The following MAST4 variants were observed in gnomAD, a reference collection of about 807,000 sequenced individuals.
MAST4 encodes the protein microtubule-associated serine/threonine-protein kinase 4.
MAST4 carries 89 observed loss-of-function variants against 162.7 expected under a neutral mutation model. The observed-to-expected ratio is 0.55, with a 90% CI of 0.46 to 0.65. The LOEUF is 0.65. Ranked by LOEUF, MAST4 falls within the 30% of genes least tolerant of loss-of-function variation. The pLI, the probability that MAST4 is intolerant of heterozygous loss-of-function variation, is 0.00. For synonymous variants in MAST4, 1,479 were observed against 1,361.1 expected (o/e 1.09, Z -1.91); for missense variants, 3,153 against 3,374.0 (o/e 0.93, Z 1.62).
At chr5:66,977,105 A>G (rs1415798724) in intron 4 of MAST4, among the ~76,000 whole-genome samples, 1 of 152,082 alleles carries the variant, frequency 6.6e-6, no homozygotes, top group Non-Finnish European at 1.5e-5. Flanking sequence ...TTCTATTATC[A>G]GACTTTCTTT....
chr5:67,165,270 G>A lies in MAST4; in HGVS notation c.6091G>A (p.Ala2031Thr), dbSNP rs747166009. Reference sequence around the variant, plus strand: ...CCCAGATTTCTATACACAGACCCAGGCCATGGAGAAAGCATGGGCGCCGGG... The same window carrying A: ...CCCAGATTTCTATACACAGACCCAGACCATGGAGAAAGCATGGGCGCCGGG... ...THPDFYTQTQ[A>T]MEKAWAPGGK... Residue 2031 changes from alanine to threonine, a missense_variant, in exon 29 of 29, where the codon GCC becomes ACC. Ala to Thr is a moderately conservative substitution (Grantham distance 58). This residue lies in a region of MAST4 where 1,644 missense variants were observed against 1,495.0 expected (regional missense o/e 1.10). Transcript: ENST00000403625. 1.2e-6 allele frequency: 2 copies of A among 1,613,348 alleles called. No individual in the cohort carries two copies. Among genetic ancestry groups the A allele is most frequent in the Non-Finnish European group, 1.7e-6 (2 of 1,179,848 alleles).
intron 5 of MAST4, among the ~76,000 whole-genome samples, chr5:67,084,982 G>A (rs961882664): frequency 3.9e-5 from 6 of 152,252 alleles, no homozygotes; most frequent in East Asian, 1.9e-4. Context: ...ATGTAACATC[G>A]TTACATATAA....
At chr5:66,965,975 G>A (rs533734352) in intron 4 of MAST4, among the ~76,000 whole-genome samples, 1 of 152,180 alleles carries the variant, frequency 6.6e-6, no homozygotes, top group Non-Finnish European at 1.5e-5. Flanking sequence ...ACAGGTCTGG[G>A]AGTAGGACAA....
intron 1 of MAST4, among the ~76,000 whole-genome samples, chr5:66,653,524 C>G (rs1299949133): frequency 6.6e-6 from 1 of 152,174 alleles, no homozygotes; most frequent in East Asian, 1.9e-4. Flanking sequence ...GTGTTGCATT[C>G]AAGGCTCTTT....
At chr5:66,933,652 A>G (rs1459826753) in intron 4 of MAST4, among the ~76,000 whole-genome samples, 2 of 152,050 alleles carry the variant, frequency 1.3e-5, no homozygotes, top group East Asian at 1.9e-4. Context: ...TCTGCCTGAC[A>G]CTTGTTCATT....
intron 1 of MAST4, among the ~76,000 whole-genome samples, chr5:66,638,833 G>A (rs116799584): frequency 0.02 from 3,012 of 152,168 alleles, 97 homozygotes; most frequent in African/African-American, 0.068. Context: ...ATGTCCTGTC[G>A]GTGCTCAAAA....
intron 4 of MAST4, among the ~76,000 whole-genome samples, chr5:67,029,938 CTT>C (rs1337242745): frequency 6.6e-6 from 1 of 151,930 alleles, no homozygotes; most frequent in African/African-American, 2.4e-5. Flanking sequence ...GAAACTAAGA[CTT>C]ATATATTATT....
At chr5:66,776,852 CCA>C (rs760362080) in intron 2 of MAST4, among the ~76,000 whole-genome samples, 7 of 152,078 alleles carry the variant, frequency 4.6e-5, no homozygotes, top group African/African-American at 7.2e-5. Context: ...ACATGTGCAC[CCA>C]CACACAGCAG....
At chr5:67,112,164 A>G (rs1766319020) in intron 11 of MAST4, among the ~76,000 whole-genome samples, 1 of 152,176 alleles carries the variant, frequency 6.6e-6, no homozygotes, top group South Asian at 2.1e-4. Context: ...ATATCCAGGA[A>G]ATATATCTGA....
At chr5:66,902,623 T>A (rs1379890860) in intron 4 of MAST4, 1 of 445,282 alleles carries the variant, frequency 2.2e-6, no homozygotes, top group Admixed American at 2.7e-5. Flanking sequence ...TTGAAGACTC[T>A]CTTGTTTTAT....
intron 10 of MAST4, among the ~76,000 whole-genome samples, chr5:67,109,704 T>G (rs998726197): frequency 6.6e-6 from 1 of 152,218 alleles, no homozygotes; most frequent in Non-Finnish European, 1.5e-5. Flanking sequence ...CTTCACTTTC[T>G]TAGCCATTTC....
At chr5:66,800,271 T>C (rs1335607584) in intron 3 of MAST4, among the ~76,000 whole-genome samples, 1 of 152,124 alleles carries the variant, frequency 6.6e-6, no homozygotes, top group Non-Finnish European at 1.5e-5. Context: ...ATGATGCCTT[T>C]AAAAAATAAA....
chr5:66,868,133 G>A (rs532696061), intron 3 of MAST4, among the ~76,000 whole-genome samples: 3 of 152,276 alleles, frequency 2.0e-5, no homozygotes, highest in African/African-American at 4.8e-5. Flanking sequence ...AATGCATAAA[G>A]TATTACATGA....
chr5:66,638,623 A>G (rs987660124), intron 1 of MAST4, among the ~76,000 whole-genome samples: 5 of 152,226 alleles, frequency 3.3e-5, no homozygotes, highest in African/African-American at 1.2e-4. Flanking sequence ...CATACTTTAA[A>G]TAATTTTGGG....
chr5:66,703,283 A>G (rs1749899615), intron 1 of MAST4, among the ~76,000 whole-genome samples: 1 of 152,224 alleles, frequency 6.6e-6, no homozygotes, highest in African/African-American at 2.4e-5. Context: ...TTTTAAGCTT[A>G]CTTTGTGCAG....
chr5:66,880,117 G>A (rs1386451416), intron 3 of MAST4, among the ~76,000 whole-genome samples: 1 of 152,184 alleles, frequency 6.6e-6, no homozygotes, highest in Non-Finnish European at 1.5e-5. Flanking sequence ...AAGACTGAGG[G>A]CTTTGCACTG....
chr5:67,023,495 GCTTCAAGAC>G (rs1219003141), intron 4 of MAST4, among the ~76,000 whole-genome samples: 1 of 152,088 alleles, frequency 6.6e-6, no homozygotes, highest in Admixed American at 6.6e-5. Context: ...AGAGCCCATT[GCTTCAAGAC>G]CTTAAAGATA....
intron 14 of MAST4, among the ~76,000 whole-genome samples, chr5:67,126,843 C>T (rs762522869): frequency 2.6e-5 from 4 of 152,248 alleles, no homozygotes; most frequent in Non-Finnish European, 5.9e-5. Context: ...GCAGTATGGC[C>T]ATTTTCACGA....
chr5:67,065,003 G>C (rs1417720684), intron 5 of MAST4, among the ~76,000 whole-genome samples: 1 of 152,064 alleles, frequency 6.6e-6, no homozygotes, highest in Non-Finnish European at 1.5e-5. Context: ...TTTAAATCTG[G>C]TGCAGCATAT....
Sources: allele counts gnomAD v4.1 joint callset (sites outside exome capture counted in the v4.1 genomes callset), GRCh38; gene constraint gnomAD v4.1.1; regional missense constraint gnomAD v4.1.1; transcripts MANE v1.5; gene names NCBI Gene and HGNC (gene_info 2026-07-23, HGNC 2026-07-21).